NGLY1: variants seen among roughly 807,000 people sequenced by gnomAD.
NGLY1 encodes peptide-N(4)-(N-acetyl-beta-glucosaminyl)asparagine amidase.
NGLY1 carries 68 observed loss-of-function variants against 84.6 expected under a neutral mutation model. That is an observed-to-expected ratio of 0.80 (90% CI 0.66 to 0.98). The LOEUF is 0.98. Among genes scored for constraint, NGLY1 ranks in the 50% least tolerant of loss-of-function variants. NGLY1 has a pLI of 0.00. For missense variants in NGLY1, 779 were observed against 770.2 expected (o/e 1.01, Z -0.14); for synonymous variants, 280 against 275.2 (o/e 1.02, Z -0.17).
At chr3:25,754,032 TTGTC>T (rs1399401363) in intron 3 of NGLY1, among the ~76,000 whole-genome samples, 1 of 152,122 alleles carries the variant, frequency 6.6e-6, no homozygotes, top group Middle Eastern at 3.2e-3. Context: ...TCAAAAATAT[TTGTC>T]TGTGTGTGAA....
At chr3:25,783,491 C>A, upstream of NGLY1, 3 of 1,162,054 alleles carry the variant, frequency 2.6e-6, no homozygotes, top group Non-Finnish European at 3.2e-6. This position sits in a 1 kb window ranked among gnomAD's most constrained non-coding sequence, Gnocchi z 4.5. Flanking sequence ...CCGGCAGGGG[C>A]GGGGTCCTCG....
chr3:25,783,317 G>T lies in NGLY1; in HGVS notation c.74C>A (p.Pro25Gln), dbSNP rs1262972492. 1.2e-6 allele frequency: 2 copies of T among 1,602,512 alleles called. No homozygotes were observed. Among genetic ancestry groups the T allele is most frequent in the Non-Finnish European group, 8.5e-7 (1 of 1,175,476 alleles). ...CTTGGAGGCCTCCAAAAAGGTCTCC[G>T]GGGTGTTCTGGCAGAGCTCAGCCAC... is the stretch of plus-strand genomic sequence containing the variant. ...PAVAELCQNT[P>Q]ETFLEASKLL... Residue 25 changes from proline (P) to glutamine (Q), a missense_variant, in exon 1 of 12, where the codon CCG (proline) becomes CAG (glutamine). Coordinates refer to ENST00000280700, the MANE Select transcript of NGLY1 (RefSeq NM_018297.4). This position sits in a 1 kb window ranked among gnomAD's most constrained non-coding sequence, Gnocchi z 4.5.
At chr3:25,754,919 G>C in intron 3 of NGLY1, 1 of 708,370 alleles carries the variant, frequency 1.4e-6, no homozygotes, top group Non-Finnish European at 2.6e-6. Flanking sequence ...CGAGTGGCTG[G>C]ATAACATGGA....
chr3:25,764,253 C>A lies in NGLY1; in HGVS notation c.305G>T (p.Arg102Leu), dbSNP rs750589736. 1 of 1,613,982 alleles carries A rather than the reference C, an allele frequency of 6.2e-7. No individual in the cohort carries two copies. Among genetic ancestry groups the A allele is most frequent in the South Asian group, 1.1e-5 (1 of 91,074 alleles). The change falls in exon 3 of 12, where the codon CGT (arginine) becomes CTT (leucine). Residue 102 changes from arginine (R) to leucine (L), a missense_variant. Transcript: ENST00000280700. ...ACTTCTCTCTATGGCAATCAGGTCA[C>A]GAATTTTTTGCAGCTGCTCCACTGA... is the stretch of plus-strand genomic sequence containing the variant. Reference protein sequence around the residue: ...KASVEQLQKIRDLIAIERSSR... With the variant: ...KASVEQLQKILDLIAIERSSR...
intron 5 of NGLY1, 89 bp from the exon 6 acceptor site, chr3:25,737,544 A>T (rs940636694): frequency 5.6e-5 from 55 of 974,298 alleles, no homozygotes; most frequent in Non-Finnish European, 6.3e-5. Flanking sequence ...GAAATGTTTA[A>T]TTTTTTTTTT....
intron 10 of NGLY1, 34 bp from the exon 11 acceptor site, chr3:25,720,225 T>G (rs1704916154): frequency 1.3e-6 from 2 of 1,545,068 alleles, no homozygotes; most frequent in Non-Finnish European, 1.8e-6. Context: ...AAAGGAACTG[T>G]CAGAAAAAAT....
chr3:25,752,511 C>T (rs975227906), intron 3 of NGLY1, among the ~76,000 whole-genome samples: 7 of 152,002 alleles, frequency 4.6e-5, no homozygotes, highest in South Asian at 2.1e-4. Context: ...TAAGCCACCA[C>T]GCCTGGCTAG....
intron 1 of NGLY1, among the ~76,000 whole-genome samples, chr3:25,779,268 C>T (rs1226335436): frequency 2.0e-5 from 3 of 151,978 alleles, no homozygotes; most frequent in African/African-American, 4.8e-5. Context: ...GACAGTATGG[C>T]AATAAAAGGA....
chr3:25,745,833 G>A (rs1216792319), intron 4 of NGLY1, among the ~76,000 whole-genome samples: 1 of 152,118 alleles, frequency 6.6e-6, no homozygotes, highest in East Asian at 1.9e-4. Context: ...AGTCAATCCT[G>A]CTGAATTACC....
At chr3:25,768,476 T>C (rs1239792548) in intron 2 of NGLY1, among the ~76,000 whole-genome samples, 1 of 148,108 alleles carries the variant, frequency 6.8e-6, no homozygotes, top group Non-Finnish European at 1.5e-5. Flanking sequence ...CCTTAAAGTA[T>C]AACCTTAAAC....
intron 8 of NGLY1, among the ~76,000 whole-genome samples, chr3:25,733,442 G>C (rs1705645312): frequency 6.7e-6 from 1 of 149,048 alleles, no homozygotes; most frequent in South Asian, 2.1e-4. Context: ...CCTGTGCCTT[G>C]CTTCAGAAAT....
At chr3:25,755,694 G>C (rs1260360620) in intron 3 of NGLY1, 1 of 1,373,418 alleles carries the variant, frequency 7.3e-7, no homozygotes, top group Non-Finnish European at 1.0e-6. Flanking sequence ...TTATAGTCTA[G>C]TCTAGATGCA....
chr3:25,760,258 G>A (rs780306674), intron 3 of NGLY1, among the ~76,000 whole-genome samples: 2 of 151,868 alleles, frequency 1.3e-5, no homozygotes, highest in African/African-American at 2.4e-5. Context: ...TTAAAAAAAT[G>A]AACATATATA....
chr3:25,732,582 T>C (rs558929301), intron 8 of NGLY1, 99 bp from the exon 9 acceptor site: 204 of 771,848 alleles, frequency 2.6e-4, no homozygotes, highest in Non-Finnish European at 3.7e-4. Context: ...TTTTAAGAGG[T>C]CTTGAAACAA....
intron 3 of NGLY1, among the ~76,000 whole-genome samples, chr3:25,756,975 C>A (rs764533159): frequency 1.1e-4 from 16 of 152,144 alleles, no homozygotes; most frequent in Non-Finnish European, 1.9e-4. Flanking sequence ...TATAAACAGA[C>A]CTGTTTTGTT....
chr3:25,764,389 G>A (rs191599704), intron 2 of NGLY1, 78 bp from the exon 3 acceptor site: 38 of 1,393,626 alleles, frequency 2.7e-5, no homozygotes, highest in Middle Eastern at 1.9e-4. Flanking sequence ...ACACAGAAAT[G>A]TATAATGAAA....
chr3:25,744,168 A>G (rs967366969), intron 4 of NGLY1, among the ~76,000 whole-genome samples: 3 of 152,238 alleles, frequency 2.0e-5, no homozygotes, highest in Non-Finnish European at 1.5e-5. Context: ...AGAATGAGAA[A>G]ATGGGTAAAA....
At position 25,721,823 on chromosome 3, in the gene NGLY1, C is replaced by G. The variant is rs538226963; in HGVS notation, c.1612-1632G>C. On this transcript the variant is annotated intron_variant, in intron 10 of 11. Coordinates refer to ENST00000280700, the MANE Select transcript of NGLY1 (RefSeq NM_018297.4). ...TTCATCCCACCTTGAATTGCCAATG[C>G]TCCTTTTTATTTTTTTATACTATAC... Among the ~76,000 whole-genome samples, 38 of 150,462 alleles carry G rather than the reference C, an allele frequency of 2.5e-4. No individual in the cohort carries two copies. In the South Asian group the frequency reaches 7.8e-3, roughly 31 times the overall value.
At chr3:25,746,191 C>T (rs1170155253) in intron 4 of NGLY1, among the ~76,000 whole-genome samples, 1 of 152,122 alleles carries the variant, frequency 6.6e-6, no homozygotes. Flanking sequence ...CCAAATAGAG[C>T]CTGTCCTTCT....
Sources: gnomAD v4.1 joint callset for allele counts (sites outside exome capture counted in the v4.1 genomes callset) on GRCh38, gnomAD v4.1.1 for gene constraint, Gnocchi (gnomAD v3.1) non-coding constraint, MANE v1.5 for transcripts, NCBI Gene and HGNC (gene_info 2026-07-23, HGNC 2026-07-21) for gene names.